BIVM: variants seen among roughly 807,000 people sequenced by gnomAD.
BIVM encodes basic, immunoglobulin-like variable motif containing, also known as basic immunoglobulin-like variable motif-containing protein.
BIVM carries 31 observed loss-of-function variants against 61.4 expected under a neutral mutation model. The ratio of observed to expected loss-of-function variants is 0.51; its 90% CI spans 0.38 to 0.68. The LOEUF (loss-of-function observed/expected upper bound fraction) is 0.68, where lower values mean the gene tolerates loss of function less well. Among genes scored for constraint, BIVM ranks in the 30% least tolerant of loss-of-function variants. The probability of loss-of-function intolerance (pLI) is 0.00; values close to 1 mark genes in which losing one functional copy is unlikely to be tolerated. For missense variants in BIVM, 526 were observed against 596.0 expected, an observed-to-expected ratio of 0.88 and a Z score of 1.22; for synonymous variants, 189 against 210.7, an observed-to-expected ratio of 0.90 and a Z score of 0.89.
rs1336721477 is a variant in BIVM at position 102,840,861 on chromosome 13, T to C, written c.*996T>C. 3 of 152,076 alleles carry C rather than the reference T, an allele frequency of 2.0e-5. No homozygotes were observed. Among genetic ancestry groups the C allele is most frequent in the African/African-American group, 4.8e-5 (2 of 41,408 alleles). 9.4% of individuals were successfully genotyped at this position (152,076 alleles called of 1,614,324 possible). On this transcript the variant is annotated 3_prime_UTR_variant, in exon 11 of 11. Transcript: ENST00000257336. ...GATGACGTTTGCCTTAGGGGTAAAG[T>C]AAAAGAACAATTGGCACCTTAAGTT...
chr13:102,807,768 C>T lies in BIVM; in HGVS notation c.478+23C>T. On this transcript the variant is annotated intron_variant, in intron 3 of 10. Transcript: ENST00000257336. This position sits in a 1 kb window ranked among gnomAD's most constrained non-coding sequence, Gnocchi z 4.0. The stretch of plus-strand genomic sequence containing the variant: ...CAGGTAAGGAGGGAGCCATGAAGTT[C>T]ATATGTGAAAATAATGAGAAAACAA... The T allele has an allele frequency of 6.4e-7, 1 of 1,572,026 alleles. No individual in the cohort carries two copies. Among genetic ancestry groups the T allele is most frequent in the Non-Finnish European group, 8.6e-7 (1 of 1,160,726 alleles).
Position 102,807,884 on chromosome 13 carries a change from A to G in BIVM, c.478+139A>G. On this transcript the variant is annotated intron_variant, in intron 3 of 10. Coordinates refer to ENST00000257336, the MANE Select transcript of BIVM (RefSeq NM_017693.4). The surrounding 1 kb of genome is among the most constrained non-coding windows in gnomAD (Gnocchi z 4.0). ...TGGCTATCATCTTGTCTGTCAATGT[A>G]GTTTTAGGAAAGTAACCTTGACGTA... 1 of 1,035,376 alleles carries G rather than the reference A, an allele frequency of 9.7e-7. No individual in the cohort carries two copies. Among genetic ancestry groups the G allele is most frequent in the Admixed American group, 2.9e-5 (1 of 34,378 alleles). 64.1% of individuals were successfully genotyped at this position (1,035,376 alleles called of 1,614,324 possible). A position where few individuals can be genotyped will look rare whatever the true frequency, so the allele number is the denominator to read the frequency against.
chr13:102,806,771 G>A (rs540764289), intron 2 of BIVM, among the ~76,000 whole-genome samples: 29 of 152,018 alleles, frequency 1.9e-4, no homozygotes, highest in Admixed American at 1.2e-3. Context: ...TTAGCCGGGC[G>A]TGGTGGCGCA....
chr13:102,807,878 C>T lies in BIVM; in HGVS notation c.478+133C>T, dbSNP rs909332637. The T allele has an allele frequency of 8.4e-6, 9 of 1,065,840 alleles. No homozygotes were observed. Among genetic ancestry groups the T allele is most frequent in the Non-Finnish European group, 1.2e-5 (9 of 764,732 alleles). The allele number at this position is 1,065,840 out of a possible 1,614,324, so 66.0% of individuals were successfully genotyped here. ...GGAACATGGCTATCATCTTGTCTGT[C>T]AATGTAGTTTTAGGAAAGTAACCTT... On this transcript the variant is annotated intron_variant, in intron 3 of 10. Transcript: ENST00000257336. The surrounding 1 kb of genome is among the most constrained non-coding windows in gnomAD (Gnocchi z 4.0).
At chr13:102,805,959 T>TA (rs1435377371) in intron 2 of BIVM, among the ~76,000 whole-genome samples, 1 of 152,396 alleles carries the variant, frequency 6.6e-6, no homozygotes, top group East Asian at 1.9e-4. Flanking sequence ...ATAATGCTGC[T>TA]ATTAACATTT....
intron 3 of BIVM, among the ~76,000 whole-genome samples, chr13:102,811,629 T>G (rs1879503294): frequency 6.6e-6 from 1 of 152,258 alleles, no homozygotes; most frequent in Admixed American, 6.5e-5. Context: ...GTTCAAGCAA[T>G]TCTCCTGCCT....
intron 7 of BIVM, among the ~76,000 whole-genome samples, chr13:102,828,175 G>C (rs1229177306): frequency 6.6e-6 from 1 of 152,122 alleles, no homozygotes; most frequent in Admixed American, 6.5e-5. Context: ...ATTTTGATAA[G>C]ACTTAGCTGT....
At chr13:102,821,197 C>A in intron 5 of BIVM, 65 bp downstream of exon 5, 2 of 1,403,822 alleles carry the variant, frequency 1.4e-6, no homozygotes, top group Non-Finnish European at 1.9e-6. Context: ...TTTTCTATAA[C>A]AGAAAAAAAT....
At chr13:102,837,944 T>A (rs185249270) in intron 9 of BIVM, among the ~76,000 whole-genome samples, 3 of 152,278 alleles carry the variant, frequency 2.0e-5, no homozygotes, top group Admixed American at 2.0e-4. Context: ...ACATATTGGA[T>A]TCAGTGTACA....
chr13:102,834,546 G>C lies in BIVM; in HGVS notation c.1115G>C (p.Cys372Ser). The change falls in exon 9 of 11, where the codon TGT becomes TCT. Residue 372 changes from cysteine to serine, a missense_variant. By Grantham distance (112) the Cys-to-Ser change is moderately radical (BLOSUM62 -1). This residue lies in a region of BIVM where 210 missense variants were observed against 233.1 expected (regional missense o/e 0.90). Coordinates refer to ENST00000257336, the MANE Select transcript of BIVM (RefSeq NM_017693.4). ...AGTAGAAAACATCCTGCCATTCACT[G>C]TAAAAAGTATGTTAACTTCCCTTTA... ...ESSRKHPAIH[C>S]KKWADIVTDL... is the part of the protein sequence containing the mutation. 1 of 1,581,956 alleles carries C rather than the reference G, an allele frequency of 6.3e-7. No individual in the cohort carries two copies. The highest frequency in any genetic ancestry group is 8.5e-7 in the Non-Finnish European group (1 of 1,170,334).
chr13:102,816,479 G>C lies in BIVM; in HGVS notation c.530G>C (p.Arg177Thr). ...AGAAAAACTTCAGATAAAAAGGGAA[G>C]ATATCAGAAGGAATGTCCTCAGCAT... is the stretch of plus-strand genomic sequence containing the variant. ...SKRKTSDKKG[R>T]YQKECPQHSP... The change falls in exon 4 of 11, where the codon AGA (arginine) becomes ACA (threonine). Residue 177 changes from arginine (R) to threonine (T), a missense_variant. Physicochemically the swap from Arg to Thr is moderately conservative, Grantham distance 71 (BLOSUM62 -1). Transcript: ENST00000257336. 6.3e-7 allele frequency: 1 copy of C among 1,593,504 alleles called. No homozygotes were observed. The highest frequency in any genetic ancestry group is 1.1e-5 in the South Asian group (1 of 87,206).
At chr13:102,822,038 A>G (rs778249093) in intron 6 of BIVM, 27 bp from the exon 7 acceptor site, 1 of 1,606,962 alleles carries the variant, frequency 6.2e-7, no homozygotes, top group Non-Finnish European at 8.5e-7. Flanking sequence ...AATTGTTGCC[A>G]TGAACAAATC....
Position 102,807,874 on chromosome 13 carries a change from C to A in BIVM, c.478+129C>A. The A allele has an allele frequency of 9.3e-7, 1 of 1,078,142 alleles. No individual in the cohort carries two copies. Among genetic ancestry groups the A allele is most frequent in the Non-Finnish European group, 1.3e-6 (1 of 774,012 alleles). 66.8% of individuals were successfully genotyped at this position (1,078,142 alleles called of 1,614,324 possible). A position where few individuals can be genotyped will look rare whatever the true frequency, so the allele number is the denominator to read the frequency against. On this transcript the variant is annotated intron_variant, in intron 3 of 10. Transcript: ENST00000257336. The surrounding 1 kb of genome is among the most constrained non-coding windows in gnomAD (Gnocchi z 4.0). Reference sequence around the variant, plus strand: ...ATAAGGAACATGGCTATCATCTTGTCTGTCAATGTAGTTTTAGGAAAGTAA... The same window carrying A: ...ATAAGGAACATGGCTATCATCTTGTATGTCAATGTAGTTTTAGGAAAGTAA...
chr13:102,808,290 G>A (rs1879239374), intron 3 of BIVM, among the ~76,000 whole-genome samples: 1 of 152,186 alleles, frequency 6.6e-6, no homozygotes, highest in Non-Finnish European at 1.5e-5. Flanking sequence ...TCCTATGGCA[G>A]ATAGAAATAC....
chr13:102,819,782 T>C (rs1880112914), intron 4 of BIVM, among the ~76,000 whole-genome samples: 3 of 152,290 alleles, frequency 2.0e-5, no homozygotes, highest in East Asian at 3.9e-4. Context: ...TGAAGGGTCA[T>C]GGTTAACTTG....
intron 1 of BIVM, chr13:102,800,878 C>T (rs1878716502): frequency 6.6e-6 from 1 of 152,250 alleles, no homozygotes; most frequent in Admixed American, 6.5e-5. Context: ...AATGCCCCTG[C>T]TCCTCAGTTG....
At chr13:102,833,326 G>GTTTTTTTTT (rs1566455831) in intron 8 of BIVM, among the ~76,000 whole-genome samples, 1 of 26,886 alleles carries the variant, frequency 3.7e-5, no homozygotes, top group South Asian at 4.3e-3. Flanking sequence ...GGATAGGATG[G>GTTTTTTTTT]GTTTTTTTTT....
At chr13:102,804,557 C>G (rs1457988810) in intron 1 of BIVM, among the ~76,000 whole-genome samples, 1 of 152,136 alleles carries the variant, frequency 6.6e-6, no homozygotes, top group Admixed American at 6.5e-5. Context: ...ATGATCCACC[C>G]GCCTCGGCCT....
rs1878707908 is a variant in BIVM at position 102,800,779 on chromosome 13, G to C, written c.-207+1258G>C. 3 of 152,402 alleles carry C rather than the reference G, an allele frequency of 2.0e-5. No homozygotes were observed. The South Asian group carries it at 6.2e-4, about 32-fold the overall frequency. 9.4% of individuals were successfully genotyped at this position (152,402 alleles called of 1,614,324 possible). A position where few individuals can be genotyped will look rare whatever the true frequency, so the allele number is the denominator to read the frequency against. ...GGCCTGGAGGGCGCGGGAGGACACCGGGTGGGAAGGGTGGCATTAGCTCGG... is the reference window on the plus strand; with the variant it reads ...GGCCTGGAGGGCGCGGGAGGACACCCGGTGGGAAGGGTGGCATTAGCTCGG... On this transcript the variant is annotated intron_variant, in intron 1 of 10. Coordinates refer to ENST00000257336, the MANE Select transcript of BIVM (RefSeq NM_017693.4).
Sources: allele counts gnomAD v4.1 joint callset (sites outside exome capture counted in the v4.1 genomes callset), GRCh38; gene constraint gnomAD v4.1.1; regional missense constraint gnomAD v4.1.1; non-coding constraint Gnocchi (gnomAD v3.1); transcripts MANE v1.5; gene names NCBI Gene and HGNC (gene_info 2026-07-23, HGNC 2026-07-21).